NTNG1: variants seen among roughly 807,000 people sequenced by gnomAD.
The protein encoded by NTNG1 is netrin-G1.
NTNG1 carries 16 observed loss-of-function variants against 54.0 expected under a neutral mutation model. The ratio of observed to expected loss-of-function variants is 0.30; its 90% CI spans 0.20 to 0.45. The LOEUF (loss-of-function observed/expected upper bound fraction) is 0.45, where lower values mean the gene tolerates loss of function less well. Among genes scored for constraint, NTNG1 ranks in the 20% least tolerant of loss-of-function variants. The probability of loss-of-function intolerance (pLI) is 1.00; values close to 1 mark genes in which losing one functional copy is unlikely to be tolerated. For missense variants in NTNG1, 530 were observed against 678.7 expected, an observed-to-expected ratio of 0.78 and a Z score of 2.43; for synonymous variants, 255 against 263.1, an observed-to-expected ratio of 0.97 and a Z score of 0.30.
chr1:107,146,700 TATG>T (rs773212742), intron 1 of NTNG1, among the ~76,000 whole-genome samples: 8 of 152,050 alleles, frequency 5.3e-5, no homozygotes, highest in South Asian at 4.1e-4. Context: ...ATTGCAGCTG[TATG>T]ATAACATTTT....
At chr1:107,180,264 G>A (rs960788601) in intron 2 of NTNG1, among the ~76,000 whole-genome samples, 2 of 152,080 alleles carry the variant, frequency 1.3e-5, no homozygotes, top group African/African-American at 4.8e-5. Flanking sequence ...TACTTAGTAA[G>A]CATAATAATC....
At chr1:107,440,951 C>T (rs1462618725) in intron 7 of NTNG1, among the ~76,000 whole-genome samples, 1 of 151,912 alleles carries the variant, frequency 6.6e-6, no homozygotes, top group African/African-American at 2.4e-5. Flanking sequence ...GGAAAGAAAA[C>T]AGAAATAATA....
chr1:107,364,583 C>G (rs1197968972), intron 3 of NTNG1, among the ~76,000 whole-genome samples: 1 of 152,172 alleles, frequency 6.6e-6, no homozygotes, highest in Non-Finnish European at 1.5e-5. Context: ...CTCAGAAGGG[C>G]CTGGGGTACT....
intron 2 of NTNG1, among the ~76,000 whole-genome samples, chr1:107,167,252 T>C (rs1655867348): frequency 2.0e-5 from 3 of 151,952 alleles, no homozygotes; most frequent in Non-Finnish European, 2.9e-5. Flanking sequence ...ATCCTTAGAG[T>C]GGCACGAATT....
At chr1:107,323,950 C>T (rs1667797860) in intron 2 of NTNG1, among the ~76,000 whole-genome samples, 1 of 152,062 alleles carries the variant, frequency 6.6e-6, no homozygotes, top group African/African-American at 2.4e-5. Flanking sequence ...TCTATAGCAT[C>T]TTTGTAAGAG....
chr1:107,389,419 A>AT (rs1187124675), intron 3 of NTNG1, among the ~76,000 whole-genome samples: 1 of 141,160 alleles, frequency 7.1e-6, no homozygotes, highest in Non-Finnish European at 1.6e-5. Flanking sequence ...ATATTAAGTT[A>AT]TAAAAAAATA....
intron 3 of NTNG1, among the ~76,000 whole-genome samples, chr1:107,362,489 C>T (rs12409432): frequency 3.9e-5 from 6 of 152,156 alleles, no homozygotes; most frequent in African/African-American, 1.2e-4. Flanking sequence ...ATGGGGTTGC[C>T]GGATCTAAGT....
chr1:107,254,951 A>G (rs1662836932), intron 2 of NTNG1, among the ~76,000 whole-genome samples: 1 of 152,220 alleles, frequency 6.6e-6, no homozygotes, highest in Admixed American at 6.5e-5. Context: ...GAATCTTTCT[A>G]TGCTTCTAGT....
chr1:107,167,832 T>C (rs966932388), intron 2 of NTNG1, among the ~76,000 whole-genome samples: 3 of 151,976 alleles, frequency 2.0e-5, no homozygotes, highest in Non-Finnish European at 4.4e-5. Flanking sequence ...TTTTTTTTCA[T>C]GTGTATATTG....
At chr1:107,365,292 T>G (rs1023033899) in intron 3 of NTNG1, among the ~76,000 whole-genome samples, 1 of 152,092 alleles carries the variant, frequency 6.6e-6, no homozygotes, top group Non-Finnish European at 1.5e-5. Flanking sequence ...ACTCCATAAC[T>G]CCAGCCTGTA....
intron 2 of NTNG1, among the ~76,000 whole-genome samples, chr1:107,252,096 G>A (rs1032289074): frequency 2.0e-5 from 3 of 152,102 alleles, no homozygotes; most frequent in Non-Finnish European, 2.9e-5. Flanking sequence ...TGCATCAGAC[G>A]TTGTGAACTA....
At chr1:107,196,499 C>G (rs12125559) in intron 2 of NTNG1, among the ~76,000 whole-genome samples, 7,856 of 152,008 alleles carry the variant, frequency 0.052, 222 homozygotes, top group African/African-American at 0.077. Context: ...GAAAGTAGAT[C>G]GTGGGAAGTA....
At chr1:107,280,157 C>CTTTTT (rs59501395) in intron 2 of NTNG1, among the ~76,000 whole-genome samples, 1 of 103,942 alleles carries the variant, frequency 9.6e-6, no homozygotes, top group Non-Finnish European at 1.8e-5. Context: ...CGGTGCTAAC[C>CTTTTT]TTTTTTTTTT....
intron 2 of NTNG1, among the ~76,000 whole-genome samples, chr1:107,246,200 T>C (rs6692592): frequency 0.98 from 149,550 of 152,138 alleles, 73,548 homozygotes; most frequent in Non-Finnish European, 1. Context: ...TACAGGCACC[T>C]GCCACCACGC....
chr1:107,173,529 C>G (rs1656412421), intron 2 of NTNG1, among the ~76,000 whole-genome samples: 1 of 152,042 alleles, frequency 6.6e-6, no homozygotes, highest in Non-Finnish European at 1.5e-5. Flanking sequence ...TATGCCAAAC[C>G]CGGAATCCTT....
At chr1:107,437,087 G>T (rs1027182230) in intron 7 of NTNG1, among the ~76,000 whole-genome samples, 1 of 152,040 alleles carries the variant, frequency 6.6e-6, no homozygotes, top group African/African-American at 2.4e-5. Context: ...ACACAATAGG[G>T]ACCCAGCGTG....
rs1678857653 is a variant in NTNG1, at chr1:107,483,591, TG to T, written c.*2753del. 1.3e-5 allele frequency: 2 copies of T among 152,230 alleles called. No individual in the cohort carries two copies. Among genetic ancestry groups the T allele is most frequent in the African/African-American group, 2.4e-5 (1 of 41,458 alleles). 9.4% of individuals were successfully genotyped at this position (152,230 alleles called of 1,614,324 possible). ...TTACTTTCCAGCATTCTTACAAAGC[TG>T]GTTTCATCTACAATGTTGTGCCCTA... On this transcript the variant is annotated 3_prime_UTR_variant, in exon 8 of 8. Transcript: ENST00000370068.
intron 2 of NTNG1, among the ~76,000 whole-genome samples, chr1:107,299,721 G>C (rs7534881): frequency 0.074 from 11,224 of 152,162 alleles, 989 homozygotes; most frequent in African/African-American, 0.21. Context: ...AATGACTCTA[G>C]ACTGGGGGCA....
At chr1:107,320,846 G>C (rs1016901606) in intron 2 of NTNG1, among the ~76,000 whole-genome samples, 1 of 151,726 alleles carries the variant, frequency 6.6e-6, no homozygotes. Flanking sequence ...GAGAACAATT[G>C]ATTTTTTCCC....
Sources: allele counts gnomAD v4.1 joint callset (sites outside exome capture counted in the v4.1 genomes callset), GRCh38; gene constraint gnomAD v4.1.1; transcripts MANE v1.5; gene names NCBI Gene and HGNC (gene_info 2026-07-23, HGNC 2026-07-21).